INTS4: variants seen among roughly 807,000 people sequenced by gnomAD.
The protein encoded by INTS4 is MSTP093.
In INTS4, 70 loss-of-function variants were observed where a neutral mutation model predicts 119.5. The ratio of observed to expected loss-of-function variants is 0.59; its 90% CI spans 0.48 to 0.71. The LOEUF (loss-of-function observed/expected upper bound fraction) is 0.71, where lower values mean the gene tolerates loss of function less well. INTS4 is among the 30% of genes least tolerant of loss of function. The pLI is 0.00. For missense variants in INTS4, 867 were observed against 1,173.2 expected (o/e 0.74, Z 3.81); for synonymous variants, 316 against 419.6 (o/e 0.75, Z 3.02).
chr11:77,942,975 C>T (rs1381287562), intron 8 of INTS4, among the ~76,000 whole-genome samples: 1 of 152,180 alleles, frequency 6.6e-6, no homozygotes, highest in African/African-American at 2.4e-5. Flanking sequence ...TTACATAGAT[C>T]TGAGCCTATG....
intron 4 of INTS4, among the ~76,000 whole-genome samples, chr11:77,974,330 C>T (rs1290010079): frequency 1.3e-5 from 2 of 149,646 alleles, no homozygotes; most frequent in Non-Finnish European, 3.0e-5. Flanking sequence ...GCAACCTCTG[C>T]CTCCCAGGTT....
downstream of INTS4, among the ~76,000 whole-genome samples, chr11:77,874,372 C>CTT (rs560821678): frequency 7.7e-4 from 103 of 134,566 alleles, no homozygotes; most frequent in African/African-American, 2.5e-3. Flanking sequence ...GTGATGCAGT[C>CTT]TTTTTTTTTT....
At chr11:77,973,444 T>C (rs1855811275) in intron 4 of INTS4, among the ~76,000 whole-genome samples, 1 of 152,224 alleles carries the variant, frequency 6.6e-6, no homozygotes, top group Admixed American at 6.5e-5. Flanking sequence ...TCTAGTACAA[T>C]GTTAAACAGA....
At chr11:77,994,492 C>T (rs1268572612) in intron 1 of INTS4, 98 bp downstream of exon 1, 3 of 927,254 alleles carry the variant, frequency 3.2e-6, no homozygotes, top group South Asian at 1.3e-5. Flanking sequence ...GCACTTAACA[C>T]GGGCGTATGG....
chr11:77,896,561 A>G (rs1952527529), intron 18 of INTS4, among the ~76,000 whole-genome samples: 1 of 151,636 alleles, frequency 6.6e-6, no homozygotes, highest in Non-Finnish European at 1.5e-5. Flanking sequence ...TTGAGGCAGG[A>G]GAATCTCTTG....
At chr11:77,891,522 G>C (rs928976002) in intron 20 of INTS4, 60 bp from the exon 21 acceptor site, 2 of 1,597,030 alleles carry the variant, frequency 1.3e-6, no homozygotes, top group Non-Finnish European at 1.7e-6. Flanking sequence ...ATGAGAAAAC[G>C]CATCTTTTTT....
At chr11:77,954,111 A>C (rs1331677137) in intron 8 of INTS4, among the ~76,000 whole-genome samples, 1 of 152,136 alleles carries the variant, frequency 6.6e-6, no homozygotes, top group Non-Finnish European at 1.5e-5. Context: ...AAAAGTTAAA[A>C]ATTTTCAATA....
intron 15 of INTS4, chr11:77,918,248 A>G (rs1391525418): frequency 3.2e-6 from 2 of 617,072 alleles, no homozygotes; most frequent in East Asian, 3.2e-5. Flanking sequence ...CCTGGCCACC[A>G]TGGTGAAACC....
intron 4 of INTS4, among the ~76,000 whole-genome samples, chr11:77,971,597 G>T (rs1855737898): frequency 6.6e-6 from 1 of 152,038 alleles, no homozygotes; most frequent in Non-Finnish European, 1.5e-5. Context: ...CCGAGGTCAA[G>T]CCACCACTGC....
chr11:77,928,373 T>A lies in INTS4; in HGVS notation c.1340A>T (p.Asp447Val), dbSNP rs1953562028. 6.2e-7 allele frequency: 1 copy of A among 1,613,144 alleles called. No homozygotes were observed. The highest frequency in any genetic ancestry group is 1.7e-5 in the Admixed American group (1 of 59,930). The change falls in exon 11 of 23, where the codon GAT (aspartate) becomes GTT (valine). Residue 447 changes from aspartate to valine, a missense_variant. Asp to Val is a radical substitution (Grantham distance 152). This residue lies in a region of INTS4 where 51 missense variants were observed against 125.5 expected (regional missense o/e 0.41). Transcript: ENST00000534064. ...KISNNITLRE[D>V]QLDTVLAVLE... is the part of the protein sequence containing the mutation. The stretch of plus-strand genomic sequence containing the variant: ...CACAGCCAGGACAGTGTCAAGCTGA[T>A]CTTCTCGGAGGGTGATGTTGTTAGA...
Position 77,969,764 on chromosome 11 carries a change from C to CAA in INTS4, c.472-8628_472-8627dup, listed in dbSNP as rs111328777. On this transcript the variant is annotated intron_variant, in intron 4 of 22. Coordinates refer to ENST00000534064, the MANE Select transcript of INTS4 (RefSeq NM_033547.4). The stretch of plus-strand genomic sequence containing the variant: ...ATCATTACAGAAAGATCCCCTCCTG[C>CAA]AAAAAAAAAAAAAAAGCCATTCTGT... Among the ~76,000 whole-genome samples, 205 of 118,506 alleles carry CAA rather than the reference C, an allele frequency of 1.7e-3. 1 individual carries two copies. Among genetic ancestry groups the CAA allele is most frequent in the Non-Finnish European group, 2.4e-3 (133 of 55,702 alleles). The allele number at this position is 118,506 out of a possible 152,430, so 77.7% of individuals were successfully genotyped here. A position where few individuals can be genotyped will look rare whatever the true frequency, so the allele number is the denominator to read the frequency against.
chr11:77,907,589 A>G, intron 16 of INTS4, 128 bp downstream of exon 16: 1 of 654,620 alleles, frequency 1.5e-6, no homozygotes, highest in East Asian at 2.6e-5. Flanking sequence ...TGCAGAGTAC[A>G]TATTTCTCCA....
chr11:77,943,641 G>C (rs1953981213), intron 8 of INTS4, among the ~76,000 whole-genome samples: 1 of 152,168 alleles, frequency 6.6e-6, no homozygotes, highest in African/African-American at 2.4e-5. Flanking sequence ...AATATGTTTA[G>C]ATTAAGATGG....
intron 12 of INTS4, chr11:77,922,684 G>C (rs1565247043): frequency 2.8e-6 from 2 of 709,010 alleles, no homozygotes; most frequent in Non-Finnish European, 4.5e-6. Flanking sequence ...TAAAAGAACT[G>C]GTTATTTAAC....
At chr11:77,991,404 G>T (rs1224974062) in intron 1 of INTS4, 105 bp from the exon 2 acceptor site, 1 of 898,772 alleles carries the variant, frequency 1.1e-6, no homozygotes, top group African/African-American at 1.7e-5. Context: ...TTTAGCTGAT[G>T]GACTTAGGAA....
At chr11:77,917,315 C>T (rs1953226742) in intron 15 of INTS4, among the ~76,000 whole-genome samples, 1 of 146,154 alleles carries the variant, frequency 6.8e-6, no homozygotes, top group Non-Finnish European at 1.5e-5. Flanking sequence ...ATTTTTCCTT[C>T]TTTCTTTTTT....
At chr11:77,983,810 GA>G (rs944865549) in intron 2 of INTS4, among the ~76,000 whole-genome samples, 5 of 152,148 alleles carry the variant, frequency 3.3e-5, no homozygotes, top group African/African-American at 1.2e-4. Flanking sequence ...TCAAGTGTAG[GA>G]AAACAGTATG....
chr11:77,993,782 T>C (rs1856791998), intron 1 of INTS4, among the ~76,000 whole-genome samples: 1 of 152,086 alleles, frequency 6.6e-6, no homozygotes, highest in African/African-American at 2.4e-5. Context: ...GGTGTAAATT[T>C]GGGGGCATGT....
At chr11:77,980,755 C>T (rs916630369) in intron 3 of INTS4, among the ~76,000 whole-genome samples, 1 of 152,094 alleles carries the variant, frequency 6.6e-6, no homozygotes, top group African/African-American at 2.4e-5. Context: ...CTTTGGGAGG[C>T]TGAAGTGGGT....
Sources: gnomAD v4.1 joint callset for allele counts (sites outside exome capture counted in the v4.1 genomes callset) on GRCh38, gnomAD v4.1.1 for gene constraint, gnomAD v4.1.1 regional missense constraint, MANE v1.5 for transcripts, NCBI Gene and HGNC (gene_info 2026-07-23, HGNC 2026-07-21) for gene names.